Variants in LRRFIP1 observed in about 807,000 individuals in gnomAD.
LRRFIP1 encodes leucine-rich repeat flightless-interacting protein 1.
LRRFIP1 carries 62 observed loss-of-function variants against 104.4 expected under a neutral mutation model. The ratio of observed to expected loss-of-function variants is 0.59; its 90% CI spans 0.48 to 0.73. LRRFIP1 has a LOEUF of 0.73. Ranked by LOEUF, LRRFIP1 falls within the 30% of genes least tolerant of loss-of-function variation. LRRFIP1 has a pLI of 0.00. For synonymous variants in LRRFIP1, 300 were observed against 299.0 expected, an observed-to-expected ratio of 1.00 and a Z score of -0.03; for missense variants, 796 against 824.5, an observed-to-expected ratio of 0.97 and a Z score of 0.42.
intron 1 of LRRFIP1, among the ~76,000 whole-genome samples, chr2:237,689,553 C>G (rs2092628146): frequency 6.6e-6 from 1 of 152,210 alleles, no homozygotes; most frequent in South Asian, 2.1e-4. Context: ...TGTGAGTGTC[C>G]TGGCATGGTC....
chr2:237,631,395 C>T (rs1040019637), intron 1 of LRRFIP1, among the ~76,000 whole-genome samples: 10 of 152,190 alleles, frequency 6.6e-5, no homozygotes, highest in African/African-American at 1.4e-4. Flanking sequence ...CTTCTGCAGC[C>T]GGTGTCCTGC....
At chr2:237,636,142 T>C (rs35413858) in intron 1 of LRRFIP1, among the ~76,000 whole-genome samples, 18,587 of 151,458 alleles carry the variant, frequency 0.12, 1,596 homozygotes, top group Non-Finnish European at 0.2. Context: ...TGGAAACTTT[T>C]AGGATCTTCT....
At chr2:237,759,064 T>G (rs1484923040) in intron 18 of LRRFIP1, among the ~76,000 whole-genome samples, 1 of 152,236 alleles carries the variant, frequency 6.6e-6, no homozygotes, top group Non-Finnish European at 1.5e-5. Flanking sequence ...GCAAGAATTT[T>G]TTGATACATT....
chr2:237,751,490 A>G (rs1417783701), intron 14 of LRRFIP1, among the ~76,000 whole-genome samples: 1 of 152,230 alleles, frequency 6.6e-6, no homozygotes, highest in Non-Finnish European at 1.5e-5. Flanking sequence ...TGCCCAGTAG[A>G]AAAGGTTACT....
intron 1 of LRRFIP1, among the ~76,000 whole-genome samples, chr2:237,630,429 C>A (rs947350615): frequency 2.6e-5 from 4 of 152,126 alleles, no homozygotes. Flanking sequence ...GACCTGCCTG[C>A]CCTCCAGGAG....
At chr2:237,728,617 C>G (rs1383311243) in intron 8 of LRRFIP1, among the ~76,000 whole-genome samples, 1 of 152,136 alleles carries the variant, frequency 6.6e-6, no homozygotes, top group Non-Finnish European at 1.5e-5. Flanking sequence ...TTCCATTAAG[C>G]TTCACGATAT....
chr2:237,748,854 A>T (rs1289924878), intron 12 of LRRFIP1, among the ~76,000 whole-genome samples: 3 of 152,218 alleles, frequency 2.0e-5, no homozygotes, highest in Non-Finnish European at 1.5e-5. Flanking sequence ...GAGACTGGGT[A>T]ATTTACAAAG....
chr2:237,716,777 T>C (rs1175954099), intron 3 of LRRFIP1, among the ~76,000 whole-genome samples: 1 of 152,178 alleles, frequency 6.6e-6, no homozygotes, highest in East Asian at 1.9e-4. Flanking sequence ...AAAACCCCAT[T>C]ATTTGGGCCC....
At chr2:237,695,298 A>G (rs1305024548) in intron 1 of LRRFIP1, among the ~76,000 whole-genome samples, 5 of 152,196 alleles carry the variant, frequency 3.3e-5, no homozygotes, top group African/African-American at 4.8e-5. Flanking sequence ...GCAAATTTCA[A>G]AAAACCCTGC....
chr2:237,631,968 G>C (rs1045964799), intron 1 of LRRFIP1, among the ~76,000 whole-genome samples: 1 of 152,192 alleles, frequency 6.6e-6, no homozygotes, highest in Non-Finnish European at 1.5e-5. Context: ...CTGCGGCCTC[G>C]GGCCCTGATC....
At chr2:237,686,346 A>C (rs77966856) in intron 1 of LRRFIP1, among the ~76,000 whole-genome samples, 2,687 of 151,912 alleles carry the variant, frequency 0.018, 85 homozygotes, top group African/African-American at 0.062. Flanking sequence ...GGTGCTAGGT[A>C]GTTATGAAAA....
intron 21 of LRRFIP1, chr2:237,772,583 C>T (rs142272257): frequency 2.3e-5 from 12 of 524,236 alleles, no homozygotes; most frequent in East Asian, 3.2e-5. Context: ...TCTCTCTCCG[C>T]CCTTTTCCCT....
intron 10 of LRRFIP1, among the ~76,000 whole-genome samples, chr2:237,738,569 C>T (rs1187329914): frequency 1.3e-5 from 2 of 152,154 alleles, no homozygotes; most frequent in Admixed American, 6.5e-5. Context: ...TTTATAATAA[C>T]GTGAAAATGT....
chr2:237,662,920 A>G (rs1475479614), intron 1 of LRRFIP1, among the ~76,000 whole-genome samples: 1 of 152,158 alleles, frequency 6.6e-6, no homozygotes, highest in Admixed American at 6.5e-5. Flanking sequence ...GCAATGACCC[A>G]GTGATTACTA....
At chr2:237,767,712 G>A (rs150366377) in intron 19 of LRRFIP1, among the ~76,000 whole-genome samples, 39 of 152,236 alleles carry the variant, frequency 2.6e-4, no homozygotes, top group African/African-American at 8.4e-4. Context: ...CTAATTCTGG[G>A]GAGTTTAGAT....
At chr2:237,776,678 C>T (rs2061122940) in intron 23 of LRRFIP1, among the ~76,000 whole-genome samples, 1 of 152,094 alleles carries the variant, frequency 6.6e-6, no homozygotes, top group African/African-American at 2.4e-5. Flanking sequence ...GTCCCTGCTG[C>T]TGTTGACCTT....
At chr2:237,712,495 C>T (rs1417041929) in intron 2 of LRRFIP1, among the ~76,000 whole-genome samples, 2 of 152,156 alleles carry the variant, frequency 1.3e-5, no homozygotes, top group African/African-American at 4.8e-5. Flanking sequence ...GAATATGAAA[C>T]ATAAAATATA....
intron 1 of LRRFIP1, among the ~76,000 whole-genome samples, chr2:237,638,165 A>G (rs1268936755): frequency 6.6e-6 from 1 of 152,236 alleles, no homozygotes; most frequent in East Asian, 1.9e-4. Flanking sequence ...ACCATAATGT[A>G]GAATCAGTGG....
intron 1 of LRRFIP1, among the ~76,000 whole-genome samples, chr2:237,629,088 C>A (rs2081986678): frequency 6.6e-6 from 1 of 152,192 alleles, no homozygotes; most frequent in African/African-American, 2.4e-5. Context: ...CATTATTTGT[C>A]CACCTGTAGA....
Sources: gnomAD v4.1 joint callset for allele counts (sites outside exome capture counted in the v4.1 genomes callset) on GRCh38, gnomAD v4.1.1 for gene constraint, MANE v1.5 for transcripts, NCBI Gene and HGNC (gene_info 2026-07-23, HGNC 2026-07-21) for gene names.